The following RIC8B variants were observed in gnomAD, a reference collection of about 807,000 sequenced individuals.
RIC8B encodes RIC8 guanine nucleotide exchange factor B, also known as chaperone Ric-8B.
Under a neutral mutation model 57.5 loss-of-function variants are expected in RIC8B, and 16 were observed. The observed-to-expected ratio is 0.28, with a 90% CI of 0.19 to 0.42. The LOEUF (loss-of-function observed/expected upper bound fraction) is 0.42, where lower values mean the gene tolerates loss of function less well. Ranked by LOEUF, RIC8B falls within the 10% of genes least tolerant of loss-of-function variation. The pLI, the probability that RIC8B is intolerant of heterozygous loss-of-function variation, is 1.00. For synonymous variants in RIC8B, 216 were observed against 250.8 expected, an observed-to-expected ratio of 0.86 and a Z score of 1.31; for missense variants, 481 against 677.0, an observed-to-expected ratio of 0.71 and a Z score of 3.21.
At chr12:106,864,384 G>A (rs1328571701) in intron 8 of RIC8B, among the ~76,000 whole-genome samples, 4 of 152,056 alleles carry the variant, frequency 2.6e-5, no homozygotes, top group African/African-American at 9.7e-5. Flanking sequence ...GCTCCCTAAC[G>A]CTAGTAATAA....
At chr12:106,823,483 A>C (rs1267326745) in intron 3 of RIC8B, 2 of 456,130 alleles carry the variant, frequency 4.4e-6, no homozygotes, top group East Asian at 1.4e-4. Flanking sequence ...GCTGCAAATA[A>C]TGGAAAGACC....
rs755701330 is a variant in RIC8B at position 106,797,908 on chromosome 12, C to T, written c.132+13864C>T. ...AGACCCGTGTGCTACACCGTACTGCCGCTCATTAATAATTGGATTGACCTG... is the reference window on the plus strand; with the variant it reads ...AGACCCGTGTGCTACACCGTACTGCTGCTCATTAATAATTGGATTGACCTG... On this transcript the variant is annotated intron_variant, in intron 2 of 9. Coordinates refer to ENST00000392837, the MANE Select transcript of RIC8B (RefSeq NM_001330145.2). 8.1e-5 allele frequency: 46 copies of T among 564,776 alleles called. 1 individual carries two copies. The highest frequency in any genetic ancestry group is 1.9e-4 in the South Asian group (8 of 42,552). 35.0% of individuals were successfully genotyped at this position (564,776 alleles called of 1,614,324 possible).
At chr12:106,776,779 C>G (rs1300164754) in intron 1 of RIC8B, among the ~76,000 whole-genome samples, 1 of 152,174 alleles carries the variant, frequency 6.6e-6, no homozygotes, top group Non-Finnish European at 1.5e-5. Flanking sequence ...TGAAGTGTTT[C>G]AAAAGATTCC....
intron 3 of RIC8B, among the ~76,000 whole-genome samples, chr12:106,816,179 AT>A (rs34585272): frequency 0.27 from 40,425 of 151,984 alleles, 5,579 homozygotes; most frequent in African/African-American, 0.33. Context: ...AAAGAAAGAG[AT>A]TTTTGGTTCC....
rs1036378826 is a variant in RIC8B, at chr12:106,775,526, G to T, written c.84+697G>T. ...TTATTTAATCTTACAGCAATCCTGT[G>T]AGGTATTATCTGCATTTTGCAATTG... On this transcript the variant is annotated intron_variant, in intron 1 of 9. Transcript: ENST00000392837. 3.5e-5 allele frequency: 12 copies of T among 342,364 alleles called. No individual in the cohort carries two copies. In the East Asian group the frequency reaches 7.6e-4, roughly 22 times the overall value. The allele number at this position is 342,364 out of a possible 1,614,324, so 21.2% of individuals were successfully genotyped here. A position where few individuals can be genotyped will look rare whatever the true frequency, so the allele number is the denominator to read the frequency against.
At chr12:106,857,276 C>T (rs1361864512) in intron 7 of RIC8B, among the ~76,000 whole-genome samples, 1 of 152,128 alleles carries the variant, frequency 6.6e-6, no homozygotes, top group Non-Finnish European at 1.5e-5. Flanking sequence ...CTAAAAGTTA[C>T]AGCATTTGAC....
chr12:106,832,794 G>A (rs745480282), intron 4 of RIC8B, among the ~76,000 whole-genome samples: 7 of 152,148 alleles, frequency 4.6e-5, no homozygotes, highest in Non-Finnish European at 1.0e-4. Context: ...ACCTATAAGT[G>A]TACTGTAAAA....
intron 3 of RIC8B, among the ~76,000 whole-genome samples, chr12:106,820,230 A>T (rs555583423): frequency 6.6e-6 from 1 of 152,202 alleles, no homozygotes; most frequent in Non-Finnish European, 1.5e-5. Flanking sequence ...AGGTTTAGCA[A>T]ATTAGTGCAA....
chr12:106,876,062 CATG>C (rs1406830863), intron 9 of RIC8B, among the ~76,000 whole-genome samples: 2 of 152,050 alleles, frequency 1.3e-5, no homozygotes, highest in African/African-American at 2.4e-5. Context: ...ATTTCATAAA[CATG>C]ATCTAATTTT....
intron 4 of RIC8B, among the ~76,000 whole-genome samples, chr12:106,841,873 G>A (rs935238225): frequency 2.0e-5 from 3 of 152,082 alleles, no homozygotes; most frequent in Non-Finnish European, 2.9e-5. Context: ...AAGGTTTTTA[G>A]GGAATGCCAA....
intron 4 of RIC8B, among the ~76,000 whole-genome samples, chr12:106,838,979 G>A (rs1306519214): frequency 7.2e-6 from 1 of 139,316 alleles, no homozygotes; most frequent in African/African-American, 2.7e-5. Flanking sequence ...TGTTAGAAGG[G>A]TTATTCCAAA....
In RIC8B at chr12:106,887,914, A is replaced by G. The variant is rs1317399001; in HGVS notation, c.*1899A>G. 6 of 152,626 alleles carry G rather than the reference A, an allele frequency of 3.9e-5. No homozygotes were observed. The highest frequency in any genetic ancestry group is 7.3e-5 in the Non-Finnish European group (5 of 68,032). The allele number at this position is 152,626 out of a possible 1,614,324, so 9.5% of individuals were successfully genotyped here. A position where few individuals can be genotyped will look rare whatever the true frequency, so the allele number is the denominator to read the frequency against. ...TTTATAAAAGGGTAGGAAGAAGACA[A>G]TAGATGTTAGAATTTCATCCAAAAT... On this transcript the variant is annotated 3_prime_UTR_variant, in exon 10 of 10. Coordinates refer to ENST00000392837, the MANE Select transcript of RIC8B (RefSeq NM_001330145.2).
chr12:106,865,362 TTTCAAAGCCAATCAA>T, intron 8 of RIC8B, among the ~76,000 whole-genome samples: 1 of 152,196 alleles, frequency 6.6e-6, no homozygotes, highest in Non-Finnish European at 1.5e-5. Context: ...CTATATTCTG[TTTCAAAGCCAATCAA>T]AGAGAGAAAT....
chr12:106,846,179 G>T (rs568955916), intron 6 of RIC8B, among the ~76,000 whole-genome samples: 1 of 152,022 alleles, frequency 6.6e-6, no homozygotes, highest in Non-Finnish European at 1.5e-5. Context: ...GTGAACTGCC[G>T]ACTCATCTCC....
intron 9 of RIC8B, among the ~76,000 whole-genome samples, chr12:106,880,236 G>T (rs1950861156): frequency 6.6e-6 from 1 of 152,096 alleles, no homozygotes; most frequent in Admixed American, 6.6e-5. Context: ...TGGTCTTGGT[G>T]TATGTCTGTG....
intron 3 of RIC8B, chr12:106,823,090 T>A: frequency 6.2e-6 from 1 of 161,626 alleles, no homozygotes; most frequent in Non-Finnish European, 1.4e-5. Flanking sequence ...CTTTTCTGTA[T>A]GTACATTATA....
intron 3 of RIC8B, 70 bp downstream of exon 3, chr12:106,815,374 C>A: frequency 1.4e-6 from 2 of 1,472,940 alleles, no homozygotes; most frequent in Non-Finnish European, 1.8e-6. Flanking sequence ...GAGTTTCCTG[C>A]AAGAGAAGAA....
At chr12:106,805,339 C>T (rs1301295016) in intron 2 of RIC8B, among the ~76,000 whole-genome samples, 1 of 152,058 alleles carries the variant, frequency 6.6e-6, no homozygotes, top group Admixed American at 6.6e-5. Context: ...AATTCTGCAC[C>T]CTTAAAATCT....
At chr12:106,876,108 A>G (rs1442490795) in intron 9 of RIC8B, among the ~76,000 whole-genome samples, 1 of 152,128 alleles carries the variant, frequency 6.6e-6, no homozygotes, top group Non-Finnish European at 1.5e-5. Context: ...TAGATATGAA[A>G]ATATAAAGAT....
Sources: gnomAD v4.1 joint callset for allele counts (sites outside exome capture counted in the v4.1 genomes callset) on GRCh38, gnomAD v4.1.1 for gene constraint, MANE v1.5 for transcripts, NCBI Gene and HGNC (gene_info 2026-07-23, HGNC 2026-07-21) for gene names.